Variants in ARHGAP32 observed in about 807,000 individuals in gnomAD.
ARHGAP32 encodes the protein Rho GTPase activating protein 32.
ARHGAP32 carries 51 observed loss-of-function variants against 186.5 expected under a neutral mutation model. The ratio of observed to expected loss-of-function variants is 0.27; its 90% CI spans 0.22 to 0.35. ARHGAP32 has a LOEUF of 0.35. ARHGAP32 is among the 10% of genes least tolerant of loss of function. ARHGAP32 has a pLI of 1.00. For missense variants in ARHGAP32, 2,186 were observed against 2,623.5 expected, an observed-to-expected ratio of 0.83 and a Z score of 3.64; for synonymous variants, 950 against 964.3, an observed-to-expected ratio of 0.99 and a Z score of 0.27.
At chr11:129,071,371 A>G (rs1459957237) in intron 6 of ARHGAP32, among the ~76,000 whole-genome samples, 1 of 152,120 alleles carries the variant, frequency 6.6e-6, no homozygotes, top group East Asian at 1.9e-4. Context: ...GAAAAAAAAA[A>G]TAACCCAATT....
chr11:129,161,658 G>C (rs1374422913), intron 2 of ARHGAP32, among the ~76,000 whole-genome samples: 1 of 152,196 alleles, frequency 6.6e-6, no homozygotes, highest in East Asian at 1.9e-4. Context: ...AGATGCTGGA[G>C]AGGATGTGGA....
At chr11:129,038,761 C>T (rs1407806058) in intron 11 of ARHGAP32, among the ~76,000 whole-genome samples, 10 of 150,176 alleles carry the variant, frequency 6.7e-5, no homozygotes, top group South Asian at 6.3e-4. Context: ...GCGGCATGCA[C>T]GTGTAATGTC....
rs546454140 is a variant in ARHGAP32, at chr11:128,972,116, A to G, written c.4053+337T>C. 3.6e-3 allele frequency: 597 copies of G among 164,956 alleles called. 2 individuals carry two copies. The highest frequency in any genetic ancestry group is 0.014 in the African/African-American group (570 of 42,016). 10.2% of individuals were successfully genotyped at this position (164,956 alleles called of 1,614,324 possible). A position where few individuals can be genotyped will look rare whatever the true frequency, so the allele number is the denominator to read the frequency against. ...GAGTCAGTGATGGAGTTGGAAAAAA[A>G]TAAGAAAAAGCAACCCACAACCGTA... On this transcript the variant is annotated intron_variant, in intron 22 of 22. Transcript: ENST00000682385.
chr11:129,086,316 C>T (rs1292304941), intron 6 of ARHGAP32, among the ~76,000 whole-genome samples: 2 of 152,038 alleles, frequency 1.3e-5, no homozygotes, highest in Non-Finnish European at 2.9e-5. Flanking sequence ...ATGTAAAATA[C>T]AGAACTATAA....
intron 5 of ARHGAP32, among the ~76,000 whole-genome samples, chr11:129,105,184 G>GTAAACAACC: frequency 6.6e-6 from 1 of 152,246 alleles, no homozygotes; most frequent in Middle Eastern, 3.4e-3. Flanking sequence ...GAGACATAAA[G>GTAAACAACC]TAAACAACCT....
At chr11:129,091,466 T>TA (rs1941575758) in intron 6 of ARHGAP32, among the ~76,000 whole-genome samples, 1 of 152,060 alleles carries the variant, frequency 6.6e-6, no homozygotes, top group African/African-American at 2.4e-5. Flanking sequence ...TCACTTAACT[T>TA]ACAGAAAGAA....
chr11:128,987,794 G>C (rs1945919981), intron 13 of ARHGAP32, among the ~76,000 whole-genome samples: 1 of 151,966 alleles, frequency 6.6e-6, no homozygotes, highest in African/African-American at 2.4e-5. Context: ...ACACTATAAA[G>C]AGGCAAAATA....
intron 15 of ARHGAP32, among the ~76,000 whole-genome samples, chr11:128,982,725 A>G (rs1184512152): frequency 6.6e-6 from 1 of 151,588 alleles, no homozygotes; most frequent in African/African-American, 2.4e-5. Flanking sequence ...CATCTCTACA[A>G]AAAGTGTAAA....
At chr11:129,184,751 A>G (rs1009063847) in intron 1 of ARHGAP32, among the ~76,000 whole-genome samples, 1 of 152,124 alleles carries the variant, frequency 6.6e-6, no homozygotes, top group Non-Finnish European at 1.5e-5. Context: ...CAAAATATAC[A>G]TAACAATAAA....
At chr11:128,983,750 T>A (rs886578194) in intron 15 of ARHGAP32, among the ~76,000 whole-genome samples, 2 of 151,802 alleles carry the variant, frequency 1.3e-5, no homozygotes, top group Non-Finnish European at 2.9e-5. Flanking sequence ...AGGGAATGAT[T>A]AAAGGACTTC....
chr11:129,278,156 G>T (rs1945556670), intron 1 of ARHGAP32, among the ~76,000 whole-genome samples: 1 of 152,128 alleles, frequency 6.6e-6, no homozygotes. Flanking sequence ...GACTTAAAAG[G>T]TCTAAATCTG....
At chr11:129,122,311 A>G (rs893475456) in intron 5 of ARHGAP32, among the ~76,000 whole-genome samples, 2 of 151,994 alleles carry the variant, frequency 1.3e-5, no homozygotes, top group African/African-American at 4.8e-5. Context: ...CCCCCAAAAG[A>G]GTTCATTCAA....
At chr11:129,244,839 C>G (rs1213815568) in intron 1 of ARHGAP32, among the ~76,000 whole-genome samples, 1 of 152,000 alleles carries the variant, frequency 6.6e-6, no homozygotes. Context: ...CCAAAAAACA[C>G]ATGAAAAAAT....
intron 6 of ARHGAP32, among the ~76,000 whole-genome samples, chr11:129,078,193 C>A (rs1941105972): frequency 6.6e-6 from 1 of 152,084 alleles, no homozygotes; most frequent in South Asian, 2.1e-4. Flanking sequence ...GTGGCTAGAT[C>A]CAGGAGAGCA....
chr11:129,094,616 A>C (rs191229900), intron 5 of ARHGAP32, among the ~76,000 whole-genome samples: 3 of 152,218 alleles, frequency 2.0e-5, no homozygotes, highest in Admixed American at 2.0e-4. Flanking sequence ...TCCCCAAGAA[A>C]GTTTGTCACA....
chr11:129,240,681 CTGA>C (rs1386920421), intron 1 of ARHGAP32, among the ~76,000 whole-genome samples: 5 of 152,190 alleles, frequency 3.3e-5, no homozygotes, highest in South Asian at 2.1e-4. Flanking sequence ...AGTAAGTAAT[CTGA>C]TGATATCAGT....
intron 1 of ARHGAP32, among the ~76,000 whole-genome samples, chr11:129,191,760 T>C (rs1944275017): frequency 6.6e-6 from 1 of 152,068 alleles, no homozygotes. Flanking sequence ...CAAATCTATT[T>C]GATACAAATC....
chr11:129,240,315 C>A (rs967523037), intron 1 of ARHGAP32, among the ~76,000 whole-genome samples: 1 of 151,922 alleles, frequency 6.6e-6, no homozygotes, highest in Non-Finnish European at 1.5e-5. Context: ...AGCTATATGA[C>A]CTTGGGGAAA....
chr11:129,092,566 T>G (rs1414657951), intron 6 of ARHGAP32, among the ~76,000 whole-genome samples: 1 of 151,890 alleles, frequency 6.6e-6, no homozygotes, highest in Non-Finnish European at 1.5e-5. Flanking sequence ...TGACATGCAA[T>G]AAAACATATA....
Sources: gnomAD v4.1 joint callset for allele counts (sites outside exome capture counted in the v4.1 genomes callset) on GRCh38, gnomAD v4.1.1 for gene constraint, MANE v1.5 for transcripts, NCBI Gene and HGNC (gene_info 2026-07-23, HGNC 2026-07-21) for gene names.